PCP4: variants seen among roughly 807,000 people sequenced by gnomAD.
The protein encoded by PCP4 is calmodulin regulator protein PCP4.
Under a neutral mutation model 10.0 loss-of-function variants are expected in PCP4, and 8 were observed. That is an observed-to-expected ratio of 0.80 (90% CI 0.47 to 1.45). PCP4 has a LOEUF of 1.45. Ranked by LOEUF, PCP4 falls within the 40% of genes most tolerant of loss-of-function variation. The pLI, the probability that PCP4 is intolerant of heterozygous loss-of-function variation, is 0.00. For missense variants in PCP4, 54 were observed against 74.4 expected, an observed-to-expected ratio of 0.73 and a Z score of 1.01; for synonymous variants, 21 against 23.0, an observed-to-expected ratio of 0.91 and a Z score of 0.24.
chr21:39,918,599 C>T (rs892543591), intron 2 of PCP4, among the ~76,000 whole-genome samples: 1 of 152,168 alleles, frequency 6.6e-6, no homozygotes, highest in Non-Finnish European at 1.5e-5. Flanking sequence ...AGAAGAAATG[C>T]GAATTGTGTT....
At chr21:39,889,510 G>C (rs530266752) in intron 1 of PCP4, among the ~76,000 whole-genome samples, 1 of 144,748 alleles carries the variant, frequency 6.9e-6, no homozygotes, top group East Asian at 2.1e-4. Context: ...TCCGCCTCCC[G>C]GGTTCACGCC....
At chr21:39,871,635 C>CA (rs1262870999) in intron 1 of PCP4, among the ~76,000 whole-genome samples, 2 of 152,120 alleles carry the variant, frequency 1.3e-5, no homozygotes, top group Non-Finnish European at 2.9e-5. Flanking sequence ...ATATTAAGTC[C>CA]ACATAGTCAC....
intron 2 of PCP4, among the ~76,000 whole-genome samples, chr21:39,909,012 C>T (rs911272298): frequency 6.6e-6 from 1 of 152,178 alleles, no homozygotes; most frequent in Non-Finnish European, 1.5e-5. Flanking sequence ...TCTCCTCCCC[C>T]GACACAACCA....
At chr21:39,928,532 C>A (rs142509895) in intron 2 of PCP4, among the ~76,000 whole-genome samples, 1 of 152,312 alleles carries the variant, frequency 6.6e-6, no homozygotes, top group Non-Finnish European at 1.5e-5. Flanking sequence ...ATAAGCAAAT[C>A]TTTCCTGAGA....
chr21:39,872,775 G>A (rs1349487670), intron 1 of PCP4, among the ~76,000 whole-genome samples: 2 of 152,174 alleles, frequency 1.3e-5, no homozygotes, highest in Admixed American at 6.5e-5. Context: ...GTAATCAATA[G>A]GCCAGGCACC....
intron 1 of PCP4, 27 bp from the exon 2 acceptor site, chr21:39,898,446 TTGC>T (rs1236435813): frequency 6.3e-7 from 1 of 1,588,838 alleles, no homozygotes; most frequent in South Asian, 1.1e-5. Flanking sequence ...CTGATAACAA[TTGC>T]TTTTTTCTTT....
At chr21:39,896,510 T>G (rs2087457562) in intron 1 of PCP4, among the ~76,000 whole-genome samples, 1 of 152,224 alleles carries the variant, frequency 6.6e-6, no homozygotes, top group Non-Finnish European at 1.5e-5. Context: ...GCATTTTTAC[T>G]TGCAAATCTG....
At chr21:39,890,922 T>C (rs780770007) in intron 1 of PCP4, among the ~76,000 whole-genome samples, 1 of 152,160 alleles carries the variant, frequency 6.6e-6, no homozygotes, top group African/African-American at 2.4e-5. Flanking sequence ...AATTTGTTTG[T>C]GGGACTGTTA....
chr21:39,907,684 T>C (rs6517578), intron 2 of PCP4, among the ~76,000 whole-genome samples: 150,859 of 152,184 alleles, frequency 0.99, 74,777 homozygotes, highest in Middle Eastern at 1. Context: ...GTAATCCCAG[T>C]TACTTGGGAG....
In PCP4 at chr21:39,925,032, G is replaced by A. The variant is rs377286488; in HGVS notation, c.62-3952G>A. On this transcript the variant is annotated intron_variant, in intron 2 of 2. Transcript: ENST00000328619. Reference sequence around the variant, plus strand: ...CCTGTGTGCCTATTGAGGTCTGGACGTCTGCCCCTGGACACCTGTGCCCCT... The same window carrying A: ...CCTGTGTGCCTATTGAGGTCTGGACATCTGCCCCTGGACACCTGTGCCCCT... 2.0e-4 allele frequency among the ~76,000 whole-genome samples: 30 copies of A among 152,304 alleles called. 1 individual carries two copies. Among genetic ancestry groups the A allele is most frequent in the Admixed American group, 1.1e-3 (17 of 15,304 alleles).
rs1011960488 is a variant in PCP4, at chr21:39,879,961, G to A, written c.9+12451G>A. 7.2e-5 allele frequency among the ~76,000 whole-genome samples: 11 copies of A among 152,146 alleles called. No individual in the cohort carries two copies. In the South Asian group the frequency reaches 1.7e-3, roughly 23 times the overall value. ...TTCTGAGAGTGGTCCCCCTTGGACC[G>A]CATGGGTCACTCTCTCATGAGGCCA... On this transcript the variant is annotated intron_variant, in intron 1 of 2. Coordinates refer to ENST00000328619, the MANE Select transcript of PCP4 (RefSeq NM_006198.3).
At chr21:39,891,617 C>T (rs901242772) in intron 1 of PCP4, among the ~76,000 whole-genome samples, 5 of 152,324 alleles carry the variant, frequency 3.3e-5, no homozygotes, top group Middle Eastern at 3.4e-3. Context: ...CATCAAGGCG[C>T]GTAGACCGGC....
At chr21:39,915,916 C>T (rs2087566458) in intron 2 of PCP4, 1 of 152,172 alleles carries the variant, frequency 6.6e-6, no homozygotes, top group Non-Finnish European at 1.5e-5. Flanking sequence ...AATGAACAGA[C>T]TCAGCCACAA....
At position 39,917,805 on chromosome 21, in the gene PCP4, T is replaced by C. The variant is rs370496527; in HGVS notation, c.62-11179T>C. ...ACTCCCTCCCTATCAAATTCATGTG[T>C]TGAAGCCCTAATCTCCATAACCTCA... On this transcript the variant is annotated intron_variant, in intron 2 of 2. Coordinates refer to ENST00000328619, the MANE Select transcript of PCP4 (RefSeq NM_006198.3). Among the ~76,000 whole-genome samples, 570 of 152,254 alleles carry C rather than the reference T, an allele frequency of 3.7e-3. 5 individuals are homozygous for C. The highest frequency in any genetic ancestry group is 0.013 in the African/African-American group (550 of 41,554).
At chr21:39,873,034 G>A (rs897134384) in intron 1 of PCP4, among the ~76,000 whole-genome samples, 7 of 152,150 alleles carry the variant, frequency 4.6e-5, no homozygotes, top group Non-Finnish European at 8.8e-5. Flanking sequence ...ATATGGGAAC[G>A]GAGCAAGGGA....
At chr21:39,871,116 G>C (rs2087317640) in intron 1 of PCP4, among the ~76,000 whole-genome samples, 1 of 152,230 alleles carries the variant, frequency 6.6e-6, no homozygotes, top group Non-Finnish European at 1.5e-5. Context: ...TCTTGACAGA[G>C]ATTGCAAACG....
At chr21:39,900,405 G>A (rs2087477438) in intron 2 of PCP4, among the ~76,000 whole-genome samples, 1 of 152,128 alleles carries the variant, frequency 6.6e-6, no homozygotes. Context: ...TTTTGTTTAT[G>A]TTGGTGATAT....
chr21:39,929,018 T>G lies in PCP4; in HGVS notation c.96T>G (p.Ile32Met). 1 of 1,612,960 alleles carries G rather than the reference T, an allele frequency of 6.2e-7. No homozygotes were observed. Among genetic ancestry groups the G allele is most frequent in the Non-Finnish European group, 8.5e-7 (1 of 1,179,492 alleles). The change falls in exon 3 of 3, where the codon ATT becomes ATG. Residue 32 changes from isoleucine to methionine, a missense_variant. Ile to Met is a conservative substitution (Grantham distance 10). Coordinates refer to ENST00000328619, the MANE Select transcript of PCP4 (RefSeq NM_006198.3). Reference protein sequence around the residue: ...GQKKVQEEFDIDMDAPETERA... With the variant: ...GQKKVQEEFDMDMDAPETERA... ...AGAAAGTTCAAGAAGAATTTGACAT[T>G]GACATGGATGCACCAGAGACAGAAC...
intron 1 of PCP4, among the ~76,000 whole-genome samples, chr21:39,896,295 A>T (rs548859999): frequency 6.6e-6 from 1 of 152,286 alleles, no homozygotes; most frequent in African/African-American, 2.4e-5. Context: ...TATTCCGTGA[A>T]ATTTTCTTTT....
Sources: allele counts gnomAD v4.1 joint callset (sites outside exome capture counted in the v4.1 genomes callset), GRCh38; gene constraint gnomAD v4.1.1; transcripts MANE v1.5; gene names NCBI Gene and HGNC (gene_info 2026-07-23, HGNC 2026-07-21).